The following USH2A variants were observed in gnomAD, a reference collection of about 807,000 sequenced individuals.
USH2A encodes the protein usherin.
A neutral mutation model predicts 538.9 loss-of-function variants in USH2A; 443 were observed. That is an observed-to-expected ratio of 0.82 (90% CI 0.76 to 0.89). The LOEUF (loss-of-function observed/expected upper bound fraction) is 0.89. USH2A is among the 40% of genes least tolerant of loss of function. USH2A has a pLI of 0.00. For synonymous variants in USH2A, 2,413 were observed against 2,273.5 expected, an observed-to-expected ratio of 1.06 and a Z score of -1.75; for missense variants, 6,633 against 6,324.8, an observed-to-expected ratio of 1.05 and a Z score of -1.65.
intron 64 of USH2A, among the ~76,000 whole-genome samples, chr1:215,664,298 A>G (rs1045908428): frequency 6.6e-6 from 1 of 152,198 alleles, no homozygotes; most frequent in African/African-American, 2.4e-5. Flanking sequence ...TTTAAAAAAT[A>G]TATTAGTGAA....
intron 21 of USH2A, among the ~76,000 whole-genome samples, chr1:216,134,063 T>C (rs985340380): frequency 6.6e-5 from 10 of 152,236 alleles, no homozygotes; most frequent in African/African-American, 2.2e-4. Flanking sequence ...ATACAGAGTC[T>C]TTTTGACTCT....
At chr1:215,689,004 C>A (rs1283571096) in intron 61 of USH2A, among the ~76,000 whole-genome samples, 1 of 150,756 alleles carries the variant, frequency 6.6e-6, no homozygotes, top group African/African-American at 2.4e-5. Flanking sequence ...AATGTAGAAC[C>A]AATAGAATTA....
At chr1:215,670,852 T>C in intron 64 of USH2A, 120 bp downstream of exon 64, 5 of 1,007,074 alleles carry the variant, frequency 5.0e-6, no homozygotes, top group Non-Finnish European at 7.4e-6. Flanking sequence ...AGGAATATTA[T>C]TATTCTCCTT....
At chr1:216,398,789 C>A (rs901128333) in intron 3 of USH2A, among the ~76,000 whole-genome samples, 3 of 152,120 alleles carry the variant, frequency 2.0e-5, no homozygotes, top group Admixed American at 2.0e-4. Context: ...TCCAATAAAC[C>A]AAACAGAGAG....
At chr1:215,761,640 G>A (rs1484756653) in intron 56 of USH2A, among the ~76,000 whole-genome samples, 2 of 152,210 alleles carry the variant, frequency 1.3e-5, no homozygotes, top group Non-Finnish European at 2.9e-5. Context: ...TCTAGGGAAT[G>A]CAAAGATGAC....
intron 14 of USH2A, among the ~76,000 whole-genome samples, chr1:216,223,201 C>T (rs947531690): frequency 2.0e-5 from 3 of 152,072 alleles, no homozygotes; most frequent in African/African-American, 7.2e-5. Context: ...TAATAGGAAG[C>T]TACTGTATCT....
In USH2A at chr1:216,383,500, T is replaced by C. The variant is rs150399927; in HGVS notation, c.652-18415A>G. 5.0e-3 allele frequency among the ~76,000 whole-genome samples: 756 copies of C among 152,284 alleles called. 10 individuals are homozygous for C. The highest frequency in any genetic ancestry group is 0.017 in the African/African-American group (720 of 41,560). The stretch of plus-strand genomic sequence containing the variant: ...AAAAATATCATTTTACTATAATGAT[T>C]TTGCTACAATAAGCTGGGATAAGAA... On this transcript the variant is annotated intron_variant, in intron 3 of 71. Coordinates refer to ENST00000307340, the MANE Select transcript of USH2A (RefSeq NM_206933.4).
intron 40 of USH2A, among the ~76,000 whole-genome samples, chr1:215,899,230 G>A (rs575544772): frequency 3.9e-5 from 6 of 152,170 alleles, no homozygotes; most frequent in Middle Eastern, 3.4e-3. Context: ...GTCACTTAAC[G>A]TTCTCATTGG....
intron 35 of USH2A, among the ~76,000 whole-genome samples, chr1:215,986,268 C>G (rs1488177457): frequency 6.6e-6 from 1 of 151,712 alleles, no homozygotes; most frequent in African/African-American, 2.4e-5. Context: ...TACAGGCACA[C>G]ACTACCACGC....
intron 30 of USH2A, among the ~76,000 whole-genome samples, chr1:216,068,223 T>C (rs1032282466): frequency 6.6e-6 from 1 of 152,110 alleles, no homozygotes; most frequent in South Asian, 2.1e-4. Context: ...GAGGACAAAA[T>C]GAGCTTAGAT....
chr1:216,142,735 T>C (rs1033410714), intron 21 of USH2A, among the ~76,000 whole-genome samples: 6 of 152,210 alleles, frequency 3.9e-5, no homozygotes, highest in Admixed American at 2.0e-4. Context: ...TAATTAACCC[T>C]CTGCATTCAG....
rs1329776574 is a variant in USH2A, at chr1:216,364,837, T to C, written c.784+116A>G. ...TGCCATCCAGTTGGTGGTAATTTGT[T>C]CAGTAGCCCTAGAAGATGAATACAC... On this transcript the variant is annotated intron_variant, in intron 4 of 71. Transcript: ENST00000307340. 2.2e-6 allele frequency: 3 copies of C among 1,359,174 alleles called. No homozygotes were observed. In the Admixed American group the frequency reaches 5.9e-5, roughly 27 times the overall value. The allele number at this position is 1,359,174 out of a possible 1,614,324, so 84.2% of individuals were successfully genotyped here. A position where few individuals can be genotyped will look rare whatever the true frequency, so the allele number is the denominator to read the frequency against.
At chr1:215,993,316 A>C (rs914362229) in intron 34 of USH2A, 149 bp from the exon 35 acceptor site, 1 of 1,248,236 alleles carries the variant, frequency 8.0e-7, no homozygotes. Flanking sequence ...CAGTGTTAAG[A>C]TTTAACATTT....
intron 62 of USH2A, among the ~76,000 whole-genome samples, chr1:215,677,873 A>AACACTCT (rs1413322978): frequency 6.6e-6 from 1 of 152,180 alleles, no homozygotes; most frequent in African/African-American, 2.4e-5. Flanking sequence ...CCCAGCAAAG[A>AACACTCT]ACACTCTCAG....
intron 4 of USH2A, 48 bp from the exon 5 acceptor site, chr1:216,327,702 G>A (rs2037764064): frequency 6.3e-7 from 1 of 1,598,968 alleles, no homozygotes; most frequent in Non-Finnish European, 8.6e-7. Flanking sequence ...TGTTTACCAA[G>A]CAATACCTGA....
chr1:215,734,953 C>T (rs1660114578), intron 60 of USH2A, among the ~76,000 whole-genome samples: 1 of 152,186 alleles, frequency 6.6e-6, no homozygotes, highest in Non-Finnish European at 1.5e-5. Flanking sequence ...CTCTTTCAAC[C>T]TCTGCCCGTT....
chr1:216,317,549 T>A (rs2037532012), intron 9 of USH2A, among the ~76,000 whole-genome samples: 1 of 151,974 alleles, frequency 6.6e-6, no homozygotes. Context: ...TCCTCTGAAC[T>A]TAAAATAAAA....
chr1:216,131,862 G>A (rs1254816619), intron 21 of USH2A, among the ~76,000 whole-genome samples: 4 of 151,984 alleles, frequency 2.6e-5, no homozygotes, highest in Admixed American at 2.6e-4. Flanking sequence ...GTTATTTTAT[G>A]TGAGGCACTC....
chr1:215,879,427 A>T (rs901059615), intron 41 of USH2A, among the ~76,000 whole-genome samples: 1 of 152,324 alleles, frequency 6.6e-6, no homozygotes, highest in East Asian at 1.9e-4. Context: ...TCACACATCC[A>T]CATGCTTCAA....
Sources: gnomAD v4.1 joint callset for allele counts (sites outside exome capture counted in the v4.1 genomes callset) on GRCh38, gnomAD v4.1.1 for gene constraint, MANE v1.5 for transcripts, NCBI Gene and HGNC (gene_info 2026-07-23, HGNC 2026-07-21) for gene names.